PINK1: variants seen among roughly 807,000 people sequenced by gnomAD.
PINK1 encodes PTEN induced kinase 1.
PINK1 carries 58 observed loss-of-function variants against 56.0 expected under a neutral mutation model. The ratio of observed to expected loss-of-function variants is 1.04; its 90% CI spans 0.84 to 1.29. The LOEUF is 1.29. Ranked by LOEUF, PINK1 falls within the 50% of genes most tolerant of loss-of-function variation. PINK1 has a pLI of 0.00. For synonymous variants in PINK1, 354 were observed against 339.3 expected (o/e 1.04, Z -0.48); for missense variants, 745 against 777.9 (o/e 0.96, Z 0.50).
In PINK1 at chr1:20,633,803, C is replaced by T; in HGVS notation, c.255C>T (p.Phe85=). The T allele has an allele frequency of 1.9e-6, 3 of 1,576,350 alleles. No individual in the cohort carries two copies. The highest frequency in any genetic ancestry group is 2.6e-6 in the Non-Finnish European group (3 of 1,166,006). The stretch of plus-strand genomic sequence containing the variant: ...TGGCGGCGCGGTTGCAGCGGCAGTT[C>T]GTGGTGCGGGCCTGGGGCTGCGCGG... The part of the protein sequence containing the change: ...AGLAARLQRQ[F]VVRAWGCAGP... The change falls in exon 1 of 8, where the codon TTC becomes TTT. Residue 85 remains phenylalanine (F), a synonymous_variant. Transcript: ENST00000321556.
rs1557568321 is a variant in PINK1, at chr1:20,650,502, G to A, written c.1557G>A (p.Leu519=). Residue 519 remains leucine (L), a synonymous_variant, in exon 8 of 8, where the codon CTG becomes CTA. Coordinates refer to ENST00000321556, the MANE Select transcript of PINK1 (RefSeq NM_032409.3). Reference sequence around the variant, plus strand: ...TCTGGGGTGAACATATTCTAGCCCTGAAGAATCTGAAGTTAGACAAGATGG... The same window carrying A: ...TCTGGGGTGAACATATTCTAGCCCTAAAGAATCTGAAGTTAGACAAGATGG... ...LSLWGEHILA[L]KNLKLDKMVG... The A allele has an allele frequency of 1.2e-6, 2 of 1,614,194 alleles. No individual in the cohort carries two copies. The highest frequency in any genetic ancestry group is 8.5e-7 in the Non-Finnish European group (1 of 1,180,032).
chr1:20,649,076 G>A lies in PINK1; in HGVS notation c.1333G>A (p.Glu445Lys). 6.2e-7 allele frequency: 1 copy of A among 1,614,248 alleles called. No individual in the cohort carries two copies. The highest frequency in any genetic ancestry group is 1.1e-5 in the South Asian group (1 of 91,086). ...CTGGGCAGTGGGAGCCATCGCCTAT[G>A]AAATCTTCGGGCTTGTCAATCCCTT... ...DAWAVGAIAY[E>K]IFGLVNPFYG... The change falls in exon 7 of 8, where the codon GAA (glutamate) becomes AAA (lysine). Residue 445 changes from glutamate (E) to lysine (K), a missense_variant. By Grantham distance (56) the Glu-to-Lys change is moderately conservative. Coordinates refer to ENST00000321556, the MANE Select transcript of PINK1 (RefSeq NM_032409.3).
intron 5 of PINK1, among the ~76,000 whole-genome samples, chr1:20,647,938 G>C (rs577602809): frequency 6.6e-6 from 1 of 151,754 alleles, no homozygotes; most frequent in Non-Finnish European, 1.5e-5. Context: ...TCAGCCTCCC[G>C]AGTAGCTGGG....
chr1:20,639,709 CCT>C (rs2053095926), intron 2 of PINK1, 181 bp from the exon 3 acceptor site: 4 of 672,380 alleles, frequency 5.9e-6, no homozygotes, highest in Non-Finnish European at 1.1e-5. Context: ...ATGGATGGTA[CCT>C]CTGTCTGCCT....
At chr1:20,643,814 A>C (rs1357942408) in intron 3 of PINK1, among the ~76,000 whole-genome samples, 1 of 152,206 alleles carries the variant, frequency 6.6e-6, no homozygotes, top group African/African-American at 2.4e-5. Context: ...TTGAGCCCAG[A>C]GAAGATAAGG....
chr1:20,648,285 T>C, intron 5 of PINK1: 1 of 615,416 alleles, frequency 1.6e-6, no homozygotes. Flanking sequence ...ACACAGTCCT[T>C]TGCCTGGGGA....
At chr1:20,639,537 C>T (rs910748271) in intron 2 of PINK1, 10 of 354,538 alleles carry the variant, frequency 2.8e-5, no homozygotes, top group African/African-American at 2.1e-4. Context: ...AGGGAGCCTG[C>T]AGAATGAGTT....
At chr1:20,642,688 A>T (rs1362783785) in intron 3 of PINK1, 1 of 152,152 alleles carries the variant, frequency 6.6e-6, no homozygotes, top group Non-Finnish European at 1.5e-5. Context: ...TTTTTCTGAG[A>T]CAGGGTCTTA....
chr1:20,650,319 G>T (rs1185506222), intron 7 of PINK1, 115 bp from the exon 8 acceptor site: 2 of 1,369,660 alleles, frequency 1.5e-6, no homozygotes, highest in Non-Finnish European at 2.0e-6. Flanking sequence ...AGGAGATAGG[G>T]TAGAGGAAGA....
chr1:20,647,053 A>ATTTTT (rs71585775), intron 5 of PINK1, among the ~76,000 whole-genome samples: 19,362 of 91,080 alleles, frequency 0.21, 2,396 homozygotes, highest in South Asian at 0.3. Flanking sequence ...CTAATTTTTG[A>ATTTTT]TTTTTTTTTT....
Position 20,633,925 on chromosome 1 carries a change from A to G in PINK1, c.377A>G (p.Gln126Arg), listed in dbSNP as rs775809722. 35 of 1,553,468 alleles carry G rather than the reference A, an allele frequency of 2.3e-5. No individual in the cohort carries two copies. Among genetic ancestry groups the G allele is most frequent in the Middle Eastern group, 2.0e-4 (1 of 5,122 alleles). ...AESRRAVSAC[Q>R]EIQAIFTQKS... ...AGCCGGCGGGCGGTCTCGGCCTGTCAGGAGATCCAGGTGAGCGGGGCCGGG... is the reference window on the plus strand; with the variant it reads ...AGCCGGCGGGCGGTCTCGGCCTGTCGGGAGATCCAGGTGAGCGGGGCCGGG... Residue 126 changes from glutamine (Q) to arginine (R), a missense_variant, in exon 1 of 8, where the codon CAG (glutamine) becomes CGG (arginine). Physicochemically the swap from Gln to Arg is conservative, Grantham distance 43. Coordinates refer to ENST00000321556, the MANE Select transcript of PINK1 (RefSeq NM_032409.3).
At position 20,633,840 on chromosome 1, in the gene PINK1, C is replaced by G. The variant is rs575668171; in HGVS notation, c.292C>G (p.Arg98Gly). ...RAWGCAGPCGRAVFLAFGLGL... is the reference protein window; with the variant it reads ...RAWGCAGPCGGAVFLAFGLGL... ...CTGGGGCTGCGCGGGCCCTTGCGGC[C>G]GGGCAGTCTTTCTGGCCTTCGGGCT... The change falls in exon 1 of 8, where the codon CGG becomes GGG. Residue 98 changes from arginine (R) to glycine (G), a missense_variant. By Grantham distance (125) the Arg-to-Gly change is moderately radical (BLOSUM62 -2). Coordinates refer to ENST00000321556, the MANE Select transcript of PINK1 (RefSeq NM_032409.3). 15 of 1,578,244 alleles carry G rather than the reference C, an allele frequency of 9.5e-6. No individual in the cohort carries two copies. The highest frequency in any genetic ancestry group is 1.3e-5 in the Non-Finnish European group (15 of 1,165,148).
Position 20,650,488 on chromosome 1 carries a change from C to A in PINK1, c.1543C>A (p.His515Asn). The A allele has an allele frequency of 3.7e-6, 6 of 1,614,164 alleles. No individual in the cohort carries two copies. Among genetic ancestry groups the A allele is most frequent in the Non-Finnish European group, 4.2e-6 (5 of 1,179,992 alleles). The change falls in exon 8 of 8, where the codon CAT (histidine) becomes AAT (asparagine). Residue 515 changes from histidine (H) to asparagine (N), a missense_variant. His to Asn is a moderately conservative substitution (Grantham distance 68, BLOSUM62 1). Coordinates refer to ENST00000321556, the MANE Select transcript of PINK1 (RefSeq NM_032409.3). ...NVLHLSLWGE[H>N]ILALKNLKLD... ...GCTTCATCTAAGCCTCTGGGGTGAA[C>A]ATATTCTAGCCCTGAAGAATCTGAA...
intron 6 of PINK1, 132 bp from the exon 7 acceptor site, chr1:20,648,863 G>C: frequency 3.9e-6 from 5 of 1,268,140 alleles, no homozygotes; most frequent in Non-Finnish European, 5.7e-6. Flanking sequence ...TTCTGGGTCT[G>C]AGCCACAGCT....
At position 20,648,975 on chromosome 1, in the gene PINK1, C is replaced by T. The variant is rs1433519960; in HGVS notation, c.1252-20C>T. ...TAGATGGGCGGGCAGCGTGATGTCT[C>T]ACCCACTGCTTCTGAGCAGGTGTCC... is the stretch of plus-strand genomic sequence containing the variant. On this transcript the variant is annotated intron_variant, in intron 6 of 7. Transcript: ENST00000321556. The T allele has an allele frequency of 6.2e-7, 1 of 1,609,608 alleles. No homozygotes were observed. The highest frequency in any genetic ancestry group is 8.5e-7 in the Non-Finnish European group (1 of 1,177,306).
In PINK1 at chr1:20,641,015, C is replaced by T. The variant is rs1265901078; in HGVS notation, c.776+1023C>T. 2.0e-5 allele frequency among the ~76,000 whole-genome samples: 3 copies of T among 152,026 alleles called. No homozygotes were observed. The highest frequency in any genetic ancestry group is 4.4e-5 in the Non-Finnish European group (3 of 68,010). Reference sequence around the variant, plus strand: ...TCATGCCACTGCACTCCAGCCTGGGCGACCCTGGAGTGAGACCCTGTCTCT... The same window carrying T: ...TCATGCCACTGCACTCCAGCCTGGGTGACCCTGGAGTGAGACCCTGTCTCT... On this transcript the variant is annotated intron_variant, in intron 3 of 7. Coordinates refer to ENST00000321556, the MANE Select transcript of PINK1 (RefSeq NM_032409.3). This position sits in a 1 kb window ranked among gnomAD's most constrained non-coding sequence, Gnocchi z 4.0.
At chr1:20,643,241 G>A (rs896770241) in intron 3 of PINK1, 4 of 152,232 alleles carry the variant, frequency 2.6e-5, no homozygotes, top group African/African-American at 7.2e-5. Context: ...GTGACTCCTT[G>A]GGCCAGTCAG....
chr1:20,648,930 T>C (rs2053227357), intron 6 of PINK1, 65 bp from the exon 7 acceptor site: 3 of 1,516,656 alleles, frequency 2.0e-6, no homozygotes, highest in Non-Finnish European at 2.7e-6. Flanking sequence ...GATCAGGTGA[T>C]GTGCAGGACA....
intron 2 of PINK1, 63 bp from the exon 3 acceptor site, chr1:20,639,829 T>C (rs1398050108): frequency 2.0e-6 from 3 of 1,481,278 alleles, no homozygotes; most frequent in African/African-American, 2.8e-5. Context: ...CAGGCAGGGC[T>C]TACAAGGAAC....
Sources: gnomAD v4.1 joint callset for allele counts (sites outside exome capture counted in the v4.1 genomes callset) on GRCh38, gnomAD v4.1.1 for gene constraint, Gnocchi (gnomAD v3.1) non-coding constraint, MANE v1.5 for transcripts, NCBI Gene and HGNC (gene_info 2026-07-23, HGNC 2026-07-21) for gene names.